The following NKAIN3 variants were observed in gnomAD, a reference collection of about 807,000 sequenced individuals.
NKAIN3 encodes sodium/potassium-transporting ATPase subunit beta-1-interacting protein 3.
NKAIN3 carries 25 observed loss-of-function variants against 30.2 expected under a neutral mutation model. That is an observed-to-expected ratio of 0.83 (90% CI 0.60 to 1.16). The LOEUF is 1.16. Ranked by LOEUF, NKAIN3 falls within the 50% of genes most tolerant of loss-of-function variation. The pLI is 0.00. For missense variants in NKAIN3, 225 were observed against 254.1 expected, an observed-to-expected ratio of 0.89 and a Z score of 0.78; for synonymous variants, 91 against 89.6, an observed-to-expected ratio of 1.02 and a Z score of -0.09.
chr8:62,338,760 A>G (rs1815646733), intron 1 of NKAIN3, among the ~76,000 whole-genome samples: 1 of 152,008 alleles, frequency 6.6e-6, no homozygotes, highest in Non-Finnish European at 1.5e-5. Flanking sequence ...GCAAGGGAGA[A>G]AGATGTAGGC....
Position 62,879,279 on chromosome 8 carries a change from T to C in NKAIN3, c.472-39174T>C, listed in dbSNP as rs972993636. On this transcript the variant is annotated intron_variant, in intron 4 of 6. Transcript: ENST00000623646. ...GATGGCCAGTGATGATGAGCATTTT[T>C]TCATGTGTATTTTAGCTGCATAAAT... Among the ~76,000 whole-genome samples the C allele has an allele frequency of 5.3e-5, 8 of 152,372 alleles. 1 individual carries two copies. The highest frequency in any genetic ancestry group is 7.2e-5 in the African/African-American group (3 of 41,586).
intron 1 of NKAIN3, among the ~76,000 whole-genome samples, chr8:62,525,310 A>G (rs984500355): frequency 6.6e-6 from 1 of 152,168 alleles, no homozygotes; most frequent in African/African-American, 2.4e-5. Flanking sequence ...AGGAGGAGGC[A>G]GTAGAAGAGG....
At chr8:62,789,055 T>G (rs1265832981) in intron 4 of NKAIN3, among the ~76,000 whole-genome samples, 1 of 152,068 alleles carries the variant, frequency 6.6e-6, no homozygotes, top group Non-Finnish European at 1.5e-5. Flanking sequence ...AGTAGTTTTT[T>G]CCAATTCTGT....
intron 1 of NKAIN3, among the ~76,000 whole-genome samples, chr8:62,481,685 C>T (rs185335844): frequency 2.6e-5 from 4 of 152,222 alleles, no homozygotes. Context: ...TACCAATAAC[C>T]AAGACTTAAA....
intron 1 of NKAIN3, among the ~76,000 whole-genome samples, chr8:62,407,214 A>T (rs1245143599): frequency 6.6e-6 from 1 of 151,752 alleles, no homozygotes; most frequent in African/African-American, 2.4e-5. Flanking sequence ...ATTTTAATAG[A>T]TTTTTCCAAT....
chr8:62,497,249 T>C (rs1483581743), intron 1 of NKAIN3, among the ~76,000 whole-genome samples: 5 of 152,064 alleles, frequency 3.3e-5, no homozygotes, highest in African/African-American at 1.2e-4. Flanking sequence ...AATACAGAAT[T>C]TAAGGGAAAG....
At chr8:62,266,390 C>T (rs1217019814) in intron 1 of NKAIN3, among the ~76,000 whole-genome samples, 2 of 152,154 alleles carry the variant, frequency 1.3e-5, no homozygotes, top group Non-Finnish European at 2.9e-5. Flanking sequence ...TAAGATTTCT[C>T]TCTTCATATG....
chr8:62,450,459 C>T (rs1321233108), intron 1 of NKAIN3, among the ~76,000 whole-genome samples: 2 of 152,104 alleles, frequency 1.3e-5, no homozygotes, highest in East Asian at 1.9e-4. Flanking sequence ...CCAGAGCAAA[C>T]GCCACTTAAT....
intron 1 of NKAIN3, among the ~76,000 whole-genome samples, chr8:62,455,514 A>C (rs1805786839): frequency 6.6e-6 from 1 of 152,140 alleles, no homozygotes; most frequent in Admixed American, 6.5e-5. Flanking sequence ...TGGGGACTAC[A>C]AGAGGTGGTA....
intron 3 of NKAIN3, among the ~76,000 whole-genome samples, chr8:62,719,467 C>T (rs1815013630): frequency 6.6e-6 from 1 of 152,110 alleles, no homozygotes; most frequent in Non-Finnish European, 1.5e-5. Flanking sequence ...TGACCAGAAC[C>T]CTGGTTATAT....
intron 4 of NKAIN3, among the ~76,000 whole-genome samples, chr8:62,800,679 C>A (rs921840331): frequency 7.2e-5 from 11 of 152,208 alleles, no homozygotes; most frequent in African/African-American, 2.7e-4. Flanking sequence ...CAGCTCCCAG[C>A]GTGAGTGACG....
chr8:62,598,965 G>A (rs116339734), intron 3 of NKAIN3, among the ~76,000 whole-genome samples: 2 of 151,906 alleles, frequency 1.3e-5, no homozygotes, highest in Admixed American at 1.3e-4. Context: ...AGGAAGACAG[G>A]GTTCAAGATT....
chr8:62,881,809 C>T (rs1820992522), intron 4 of NKAIN3, among the ~76,000 whole-genome samples: 1 of 152,182 alleles, frequency 6.6e-6, no homozygotes, highest in South Asian at 2.1e-4. Flanking sequence ...AAGAAACTGC[C>T]AAACTGTCTT....
At chr8:62,864,763 C>T (rs1049255000) in intron 4 of NKAIN3, among the ~76,000 whole-genome samples, 1 of 152,212 alleles carries the variant, frequency 6.6e-6, no homozygotes, top group Non-Finnish European at 1.5e-5. Context: ...GTTGATGAAT[C>T]CCCTGGATAC....
At chr8:62,504,510 A>G (rs967545180) in intron 1 of NKAIN3, among the ~76,000 whole-genome samples, 3 of 151,978 alleles carry the variant, frequency 2.0e-5, no homozygotes, top group African/African-American at 7.3e-5. Flanking sequence ...TGGTCATGTC[A>G]TGTAGATTCT....
At chr8:62,321,160 T>C (rs1292751332) in intron 1 of NKAIN3, among the ~76,000 whole-genome samples, 1 of 152,240 alleles carries the variant, frequency 6.6e-6, no homozygotes, top group African/African-American at 2.4e-5. Flanking sequence ...CACGTACTTC[T>C]CATGCCATGG....
intron 4 of NKAIN3, among the ~76,000 whole-genome samples, chr8:62,814,683 C>G (rs377247417): frequency 1.3e-5 from 2 of 151,860 alleles, no homozygotes; most frequent in Non-Finnish European, 2.9e-5. Flanking sequence ...TTGAAACCAA[C>G]GAGAACAAAG....
intron 3 of NKAIN3, among the ~76,000 whole-genome samples, chr8:62,744,078 T>A (rs1170643574): frequency 3.9e-5 from 6 of 152,134 alleles, no homozygotes; most frequent in Non-Finnish European, 7.3e-5. Context: ...GAATACTAAT[T>A]TCTATGGCCT....
intron 5 of NKAIN3, among the ~76,000 whole-genome samples, chr8:62,938,710 A>G (rs572615736): frequency 6.6e-6 from 1 of 152,306 alleles, no homozygotes; most frequent in East Asian, 1.9e-4. Context: ...GGAGAGCACC[A>G]CATCAAGGCA....
Sources: gnomAD v4.1 joint callset for allele counts (sites outside exome capture counted in the v4.1 genomes callset) on GRCh38, gnomAD v4.1.1 for gene constraint, MANE v1.5 for transcripts, NCBI Gene and HGNC (gene_info 2026-07-23, HGNC 2026-07-21) for gene names.